Variants in GLOD4 observed in about 807,000 individuals in gnomAD.
The protein encoded by GLOD4 is glyoxalase domain-containing protein 4.
In GLOD4, 44 loss-of-function variants were observed where a neutral mutation model predicts 39.1. The ratio of observed to expected loss-of-function variants is 1.13; its 90% CI spans 0.88 to 1.45. The LOEUF (loss-of-function observed/expected upper bound fraction) is 1.45, where lower values mean the gene tolerates loss of function less well. Among genes scored for constraint, GLOD4 ranks in the 40% most tolerant of loss-of-function variants. The pLI, the probability that GLOD4 is intolerant of heterozygous loss-of-function variation, is 0.00. For missense variants in GLOD4, 405 were observed against 366.4 expected (o/e 1.11, Z -0.86); for synonymous variants, 145 against 135.0 (o/e 1.07, Z -0.52).
chr17:769,241 G>A (rs1907439016), intron 8 of GLOD4, among the ~76,000 whole-genome samples: 1 of 150,862 alleles, frequency 6.6e-6, no homozygotes, highest in Non-Finnish European at 1.5e-5. Context: ...TCCACGGGGA[G>A]AGCTGAGGGG....
At chr17:778,045 T>C (rs749234533) in intron 2 of GLOD4, among the ~76,000 whole-genome samples, 8 of 152,214 alleles carry the variant, frequency 5.3e-5, no homozygotes, top group Non-Finnish European at 7.3e-5. Flanking sequence ...GATTGGAGCC[T>C]GCCCAGAAGA....
rs531423987 is a variant in GLOD4, at chr17:768,107, A to G, written c.831+1762T>C. On this transcript the variant is annotated intron_variant, in intron 8 of 8. Coordinates refer to ENST00000301329, the MANE Select transcript of GLOD4 (RefSeq NM_016080.4). The stretch of plus-strand genomic sequence containing the variant: ...TTTTAGAAGAAGAAATCTGGAGAGG[A>G]TGTGTGAGAGAGAAACAGCGTGCAC... Among the ~76,000 whole-genome samples the G allele has an allele frequency of 1.1e-4, 16 of 145,668 alleles. No individual in the cohort carries two copies. The South Asian group carries it at 1.1e-3, about 10-fold the overall frequency.
At chr17:769,443 TAG>T (rs1907513482) in intron 8 of GLOD4, among the ~76,000 whole-genome samples, 1 of 140,210 alleles carries the variant, frequency 7.1e-6, no homozygotes, top group Non-Finnish European at 1.5e-5. Context: ...GGGGAACGGA[TAG>T]AGGCATCTCC....
chr17:775,817 C>T lies in GLOD4; in HGVS notation c.364G>A (p.Gly122Arg), dbSNP rs375635480. Residue 122 changes from glycine to arginine, a missense_variant, in exon 4 of 9, where the codon GGA becomes AGA. Gly to Arg is a moderately radical substitution (Grantham distance 125). Transcript: ENST00000301329. ...CGATTCTGCAAATAGAACTTATATC[C>T]TCCCGGGGCCTCGGTTTCAAAAACA... ...EGVFETEAPG[G>R]YKFYLQNRSL... 6 of 1,614,010 alleles carry T rather than the reference C, an allele frequency of 3.7e-6. 1 individual carries two copies. The highest frequency in any genetic ancestry group is 2.7e-5 in the African/African-American group (2 of 75,052).
chr17:779,510 C>G (rs1228347849), intron 1 of GLOD4, among the ~76,000 whole-genome samples: 2 of 149,218 alleles, frequency 1.3e-5, no homozygotes, highest in African/African-American at 2.5e-5. Context: ...TGGTGGTGGG[C>G]GCTTGTAATC....
intron 4 of GLOD4, 85 bp from the exon 5 acceptor site, chr17:771,546 A>T: frequency 1.3e-6 from 1 of 745,384 alleles, no homozygotes; most frequent in Non-Finnish European, 2.1e-6. Context: ...ATACTTACAA[A>T]TTCAGTTTAT....
chr17:785,362 A>G (rs1186090078), upstream of GLOD4, among the ~76,000 whole-genome samples: 2 of 152,046 alleles, frequency 1.3e-5, no homozygotes, highest in African/African-American at 2.4e-5. Context: ...AATTCTTTCC[A>G]TAAAACTTTA....
At chr17:782,138 G>T (rs758526777) in intron 1 of GLOD4, 28 bp downstream of exon 1, 2 of 1,538,950 alleles carry the variant, frequency 1.3e-6, no homozygotes, top group Non-Finnish European at 1.8e-6. Context: ...AGCCTCGCGC[G>T]CCAGCCCCTG....
intron 8 of GLOD4, chr17:764,803 T>C (rs970077580): frequency 7.0e-6 from 1 of 142,414 alleles, no homozygotes; most frequent in Non-Finnish European, 1.5e-5. Flanking sequence ...GGTCAGGAGA[T>C]CGAGACCATC....
chr17:773,219 C>T lies in GLOD4; in HGVS notation c.407-1758G>A, dbSNP rs549553605. ...CAAAAGCTTTAAAAAGTGCTCATTG[C>T]TTTTGAAAGAACAAGTCCATTTTCA... On this transcript the variant is annotated intron_variant, in intron 4 of 8. Transcript: ENST00000301329. Among the ~76,000 whole-genome samples the T allele has an allele frequency of 8.5e-5, 13 of 152,176 alleles. No homozygotes were observed. In the Middle Eastern group the frequency reaches 0.031, roughly 358 times the overall value.
At chr17:765,549 G>C (rs1390367606) in intron 8 of GLOD4, among the ~76,000 whole-genome samples, 1 of 150,684 alleles carries the variant, frequency 6.6e-6, no homozygotes. Context: ...TGGTAGGATG[G>C]CCAGGCGCAG....
At position 770,072 on chromosome 17, in the gene GLOD4, G is replaced by C; in HGVS notation, c.716C>G (p.Thr239Arg). The C allele has an allele frequency of 6.2e-7, 1 of 1,610,888 alleles. No homozygotes were observed. The highest frequency in any genetic ancestry group is 8.5e-7 in the Non-Finnish European group (1 of 1,177,106). ...GTCGGCCAGAATGACCACCTGTACT[G>C]TTGCTTTCCCTGGGGTGTCCAGGCT... ...LVSLDTPGKATVQVVILADPD... is the reference protein window; with the variant it reads ...LVSLDTPGKARVQVVILADPD... The change falls in exon 7 of 9, where the codon ACA (threonine) becomes AGA (arginine). Residue 239 changes from threonine to arginine, a missense_variant. Physicochemically the swap from Thr to Arg is moderately conservative, Grantham distance 71 (BLOSUM62 -1). Coordinates refer to ENST00000301329, the MANE Select transcript of GLOD4 (RefSeq NM_016080.4).
intron 8 of GLOD4, among the ~76,000 whole-genome samples, chr17:768,640 TAGA>T (rs1444035410): frequency 4.5e-5 from 6 of 134,386 alleles, no homozygotes; most frequent in Non-Finnish European, 9.5e-5. Flanking sequence ...CTCAGATTTT[TAGA>T]AGAAGAAATC....
At chr17:763,346 A>G (rs950615109) in intron 8 of GLOD4, among the ~76,000 whole-genome samples, 16 of 151,918 alleles carry the variant, frequency 1.1e-4, no homozygotes, top group African/African-American at 3.9e-4. Context: ...TGTCTCTACT[A>G]AAAATACAAA....
intron 8 of GLOD4, among the ~76,000 whole-genome samples, chr17:762,406 T>G (rs1905619788): frequency 1.3e-5 from 2 of 151,884 alleles, no homozygotes; most frequent in Non-Finnish European, 2.9e-5. Flanking sequence ...CTGAAAGGCT[T>G]CCATCCAGGC....
At chr17:766,254 T>C (rs1906530945) in intron 8 of GLOD4, among the ~76,000 whole-genome samples, 2 of 149,964 alleles carry the variant, frequency 1.3e-5, no homozygotes, top group Admixed American at 6.6e-5. Flanking sequence ...GCTGAGATCA[T>C]GCCACTGCAC....
At chr17:776,026 T>A (rs956715833) in intron 3 of GLOD4, 107 bp from the exon 4 acceptor site, 10 of 828,094 alleles carry the variant, frequency 1.2e-5, no homozygotes, top group Non-Finnish European at 1.9e-5. Flanking sequence ...TAAAATCACC[T>A]AAGATTTAAC....
chr17:772,762 G>A (rs1210027404), intron 4 of GLOD4, among the ~76,000 whole-genome samples: 2 of 152,204 alleles, frequency 1.3e-5, no homozygotes, highest in East Asian at 1.9e-4. Flanking sequence ...TTGGGAGGCT[G>A]AGGTGGCAGG....
chr17:765,012 A>T (rs1277952952), intron 8 of GLOD4: 1 of 151,024 alleles, frequency 6.6e-6, no homozygotes, highest in Non-Finnish European at 1.5e-5. Flanking sequence ...GTCTCAAAAA[A>T]AAACAAAAAA....
Sources: gnomAD v4.1 joint callset for allele counts (sites outside exome capture counted in the v4.1 genomes callset) on GRCh38, gnomAD v4.1.1 for gene constraint, MANE v1.5 for transcripts, NCBI Gene and HGNC (gene_info 2026-07-23, HGNC 2026-07-21) for gene names.